CRELD1: variants seen among roughly 807,000 people sequenced by gnomAD.
CRELD1 encodes the protein protein disulfide isomerase CRELD1.
CRELD1 carries 42 observed loss-of-function variants against 58.2 expected under a neutral mutation model. The observed-to-expected ratio is 0.72, with a 90% confidence interval of 0.56 to 0.93. The LOEUF (loss-of-function observed/expected upper bound fraction) is 0.93, where lower values mean the gene tolerates loss of function less well. CRELD1 is among the 40% of genes least tolerant of loss of function. The pLI is 0.00. For synonymous variants in CRELD1, 222 were observed against 202.0 expected (o/e 1.10, Z -0.84); for missense variants, 500 against 540.6 (o/e 0.92, Z 0.74).
chr3:9,939,935 G>A (rs563216949), intron 5 of CRELD1, among the ~76,000 whole-genome samples: 60 of 146,260 alleles, frequency 4.1e-4, no homozygotes, highest in South Asian at 4.0e-3. Context: ...CTCACCTCCC[G>A]GACGGGGCGG....
At chr3:9,935,573 C>G (rs867535855) in intron 3 of CRELD1, 1 of 153,592 alleles carries the variant, frequency 6.5e-6, no homozygotes, top group African/African-American at 2.4e-5. Flanking sequence ...AAAGGCAACA[C>G]AAGCTAGTGT....
chr3:9,934,603 C>T lies in CRELD1; in HGVS notation c.165C>T (p.Ser55=). 1 of 1,612,880 alleles carries T rather than the reference C, an allele frequency of 6.2e-7. No individual in the cohort carries two copies. Among genetic ancestry groups the T allele is most frequent in the East Asian group, 2.2e-5 (1 of 44,830 alleles). ...ATACCTGCCGGGGACTGGTTGACAG[C>T]TTTAACAAGGTGGGTGCACCGGCAG... ...PCHTCRGLVD[S]FNKGLERTIR... The change falls in exon 2 of 11, where the codon AGC becomes AGT. Residue 55 remains serine (S), a synonymous_variant. Coordinates refer to ENST00000452070, the MANE Select transcript of CRELD1 (RefSeq NM_001077415.3).
At chr3:9,939,910 C>T (rs1374046816) in intron 5 of CRELD1, among the ~76,000 whole-genome samples, 1 of 151,076 alleles carries the variant, frequency 6.6e-6, no homozygotes, top group Non-Finnish European at 1.5e-5. Flanking sequence ...TAGGGGCAGC[C>T]GGGCAGAGGC....
At position 9,943,401 on chromosome 3, in the gene CRELD1, G is replaced by T; in HGVS notation, c.934G>T (p.Glu312Ter). 1 of 1,614,022 alleles carries T rather than the reference G, an allele frequency of 6.2e-7. No individual in the cohort carries two copies. Among genetic ancestry groups the T allele is most frequent in the Non-Finnish European group, 8.5e-7 (1 of 1,179,996 alleles). ...KCLDVDECET[E>*]VCPGENKQCE... ...TCAAGATGTGGATGAGTGTGAGACA[G>T]AGGTGTGTCCGGGAGAGAACAAGCA... The change falls in exon 10 of 11, where the codon GAG becomes TAG. Residue 312 changes from glutamate to a stop codon, truncating the protein, a stop_gained. Transcript: ENST00000452070. LOFTEE classifies it high-confidence loss of function.
rs2085377596 is a variant in CRELD1 at position 9,941,816 on chromosome 3, A to AG, written c.733+610_733+611insG. On this transcript the variant is annotated intron_variant, in intron 7 of 10. Coordinates refer to ENST00000452070, the MANE Select transcript of CRELD1 (RefSeq NM_001077415.3). ...AAAAAAAAAAAAAAAAAAAAAAAAA[A>AG]TGAGGAAGGGTTGGCTAGGAGAATG... 4.7e-5 allele frequency among the ~76,000 whole-genome samples: 7 copies of AG among 148,504 alleles called. No individual in the cohort carries two copies. In the South Asian group the frequency reaches 6.4e-4, roughly 14 times the overall value.
intron 3 of CRELD1, 34 bp downstream of exon 3, chr3:9,934,951 C>A: frequency 6.5e-7 from 1 of 1,546,598 alleles, no homozygotes; most frequent in Non-Finnish European, 8.8e-7. Flanking sequence ...GTGTATATTC[C>A]CCTCCCCGCC....
At chr3:9,944,234 T>C (rs1200771232) in intron 10 of CRELD1, 131 bp from the exon 11 acceptor site, 1 of 870,664 alleles carries the variant, frequency 1.1e-6, no homozygotes, top group African/African-American at 1.6e-5. Flanking sequence ...GAGCAGTAAA[T>C]GTAGTGTGCC....
At chr3:9,935,364 C>G (rs190780353) in intron 3 of CRELD1, among the ~76,000 whole-genome samples, 2 of 152,014 alleles carry the variant, frequency 1.3e-5, no homozygotes, top group African/African-American at 4.8e-5. Context: ...GCTTAAGCCT[C>G]GAGGGCTACA....
chr3:9,938,312 A>C (rs2085251801), intron 5 of CRELD1: 2 of 593,832 alleles, frequency 3.4e-6, no homozygotes, highest in African/African-American at 3.7e-5. Flanking sequence ...AGACTGAGTC[A>C]TATGCAGTAT....
rs1271258367 is a variant in CRELD1, at chr3:9,944,663, C to G, written c.*84C>G. 5 of 1,320,718 alleles carry G rather than the reference C, an allele frequency of 3.8e-6. No individual in the cohort carries two copies. The highest frequency in any genetic ancestry group is 5.3e-6 in the Non-Finnish European group (5 of 950,160). 81.8% of individuals were successfully genotyped at this position (1,320,718 alleles called of 1,614,324 possible). ...CCCTCCTGCTGGACACTCAGGACAG[C>G]TTGGTTTATTTTTGAGAGTGGGGTA... On this transcript the variant is annotated 3_prime_UTR_variant, in exon 11 of 11. Transcript: ENST00000452070.
At chr3:9,939,188 A>T (rs556201438) in intron 5 of CRELD1, among the ~76,000 whole-genome samples, 8 of 148,064 alleles carry the variant, frequency 5.4e-5, no homozygotes, top group East Asian at 2.0e-4. Flanking sequence ...AATAAATAAA[A>T]GGTCTGTAAA....
rs369426761 is a variant in CRELD1 at position 9,944,598 on chromosome 3, G to T, written c.*19G>T. 6.3e-7 allele frequency: 1 copy of T among 1,583,002 alleles called. No homozygotes were observed. Among genetic ancestry groups the T allele is most frequent in the Non-Finnish European group, 8.5e-7 (1 of 1,170,454 alleles). Reference sequence around the variant, plus strand: ...CAGATAATCGCGGCCACCACCTGTAGGACCTCCTCCCACCCACGCTGCCCC... The same window carrying T: ...CAGATAATCGCGGCCACCACCTGTATGACCTCCTCCCACCCACGCTGCCCC... On this transcript the variant is annotated 3_prime_UTR_variant, in exon 11 of 11. Transcript: ENST00000452070.
intron 1 of CRELD1, 65 bp from the exon 2 acceptor site, chr3:9,934,355 C>T: frequency 7.7e-7 from 1 of 1,304,604 alleles, no homozygotes; most frequent in Non-Finnish European, 1.1e-6. Context: ...TTAGAACAGA[C>T]CTTTTTCTTT....
chr3:9,943,509 A>C lies in CRELD1; in HGVS notation c.1042A>C (p.Ile348Leu). ...GGAAGGCATCTGTGTGAAGGAGCAGATCCCAGGTGAGCCCTGGGGCGGGAG... is the reference window on the plus strand; with the variant it reads ...GGAAGGCATCTGTGTGAAGGAGCAGCTCCCAGGTGAGCCCTGGGGCGGGAG... ...QMEGICVKEQ[I>L]PESAGFFSEM... The change falls in exon 10 of 11, where the codon ATC (isoleucine) becomes CTC (leucine). Residue 348 changes from isoleucine to leucine, a missense_variant. By Grantham distance (5) the Ile-to-Leu change is conservative. Coordinates refer to ENST00000452070, the MANE Select transcript of CRELD1 (RefSeq NM_001077415.3). 1 of 1,614,028 alleles carries C rather than the reference A, an allele frequency of 6.2e-7. No homozygotes were observed. The highest frequency in any genetic ancestry group is 8.5e-7 in the Non-Finnish European group (1 of 1,179,980).
At chr3:9,941,054 G>T in intron 6 of CRELD1, 28 bp downstream of exon 6, 2 of 1,614,198 alleles carry the variant, frequency 1.2e-6, no homozygotes, top group Non-Finnish European at 1.7e-6. Flanking sequence ...GTGGCACTGG[G>T]CAGGGGCAGA....
intron 5 of CRELD1, among the ~76,000 whole-genome samples, chr3:9,938,816 T>C (rs997673149): frequency 6.6e-6 from 1 of 151,016 alleles, no homozygotes. Context: ...GCCGAGATCA[T>C]GCCACTGCAC....
At chr3:9,944,344 G>A (rs1279889621) in intron 10 of CRELD1, 21 bp from the exon 11 acceptor site, 4 of 1,601,854 alleles carry the variant, frequency 2.5e-6, no homozygotes, top group Non-Finnish European at 3.4e-6. Context: ...GTGCCAGGCT[G>A]CATCTCTTGC....
In CRELD1 at chr3:9,940,919, G is replaced by C. The variant is rs1043727881; in HGVS notation, c.530G>C (p.Gly177Ala). 6.2e-7 allele frequency: 1 copy of C among 1,614,132 alleles called. No individual in the cohort carries two copies. The highest frequency in any genetic ancestry group is 1.1e-5 in the South Asian group (1 of 91,084). The change falls in exon 6 of 11, where the codon GGC becomes GCC. Residue 177 changes from glycine (G) to alanine (A), a missense_variant. By Grantham distance (60) the Gly-to-Ala change is moderately conservative (BLOSUM62 0). Transcript: ENST00000452070. Reference protein sequence around the residue: ...GQCEGEGTRGGSGHCDCQAGY... With the variant: ...GQCEGEGTRGASGHCDCQAGY... ...TGTGAAGGAGAAGGGACACGAGGGG[G>C]CAGCGGGCACTGTGACTGCCAAGCC...
chr3:9,940,230 G>A lies in CRELD1; in HGVS notation c.461-620G>A, dbSNP rs1317093781. 2.6e-5 allele frequency among the ~76,000 whole-genome samples: 4 copies of A among 152,198 alleles called. No individual in the cohort carries two copies. The East Asian group carries it at 5.8e-4, about 22-fold the overall frequency. ...CTCCTCATATCCCAGACGATGGGCCGCCAGGCAGAGACGCTCCTCACTTCC... is the reference window on the plus strand; with the variant it reads ...CTCCTCATATCCCAGACGATGGGCCACCAGGCAGAGACGCTCCTCACTTCC... On this transcript the variant is annotated intron_variant, in intron 5 of 10. Transcript: ENST00000452070.
Sources: gnomAD v4.1 joint callset for allele counts (sites outside exome capture counted in the v4.1 genomes callset) on GRCh38, gnomAD v4.1.1 for gene constraint, MANE v1.5 for transcripts, NCBI Gene and HGNC (gene_info 2026-07-23, HGNC 2026-07-21) for gene names.